TSKS: variants seen among roughly 807,000 people sequenced by gnomAD.
The protein encoded by TSKS is testis-specific serine kinase substrate.
A neutral mutation model predicts 68.0 loss-of-function variants in TSKS; 27 were observed. That is an observed-to-expected ratio of 0.40 (90% CI 0.29 to 0.55). The LOEUF (loss-of-function observed/expected upper bound fraction) is 0.55, where lower values mean the gene tolerates loss of function less well. Among genes scored for constraint, TSKS ranks in the 20% least tolerant of loss-of-function variants. The pLI, the probability that TSKS is intolerant of heterozygous loss-of-function variation, is 0.53. For missense variants in TSKS, 806 were observed against 776.0 expected (o/e 1.04, Z -0.46); for synonymous variants, 331 against 340.4 (o/e 0.97, Z 0.30).
At chr19:49,756,565 A>T (rs76976765) in intron 2 of TSKS, among the ~76,000 whole-genome samples, 3 of 138,524 alleles carry the variant, frequency 2.2e-5, no homozygotes, top group Admixed American at 7.1e-5. Context: ...ACTCATGATT[A>T]AAAAAAAAAA....
Position 49,746,672 on chromosome 19 carries a change from G to T in TSKS, c.790C>A (p.Pro264Thr). 2 of 1,603,060 alleles carry T rather than the reference G, an allele frequency of 1.2e-6. No individual in the cohort carries two copies. Among genetic ancestry groups the T allele is most frequent in the Non-Finnish European group, 8.5e-7 (1 of 1,178,840 alleles). ...CTGTTCCAGGAGAGGCCAGCCTCCGGCTTCTGCTTCTCCTCCGGCTCCTGC... is the reference window on the plus strand; with the variant it reads ...CTGTTCCAGGAGAGGCCAGCCTCCGTCTTCTGCTTCTCCTCCGGCTCCTGC... ...EKQEPEEKQK[P>T]EAGLSWNSLG... Residue 264 changes from proline (P) to threonine (T), a missense_variant, in exon 6 of 11, where the codon CCG becomes ACG. Transcript: ENST00000246801.
intron 6 of TSKS, among the ~76,000 whole-genome samples, chr19:49,746,148 A>C (rs1377730367): frequency 6.6e-6 from 1 of 151,916 alleles, no homozygotes; most frequent in African/African-American, 2.4e-5. Flanking sequence ...GCGCCACTGC[A>C]CTCCAGCCTG....
At chr19:49,761,387 C>G (rs1346688239) in intron 2 of TSKS, among the ~76,000 whole-genome samples, 2 of 152,142 alleles carry the variant, frequency 1.3e-5, no homozygotes, top group Admixed American at 6.6e-5. Context: ...CTAAATCTTG[C>G]TCATCTCTCA....
chr19:49,748,465 C>T lies in TSKS; in HGVS notation c.404G>A (p.Gly135Glu). ...GGCGCGGACCAATCCACTGTTGACC[C>T]CACTCTGGGGAAGAATGGGAGACAG... is the stretch of plus-strand genomic sequence containing the variant. Reference protein sequence around the residue: ...DDADITEILSGVNSGLVRAKD... With the variant: ...DDADITEILSEVNSGLVRAKD... The change falls in exon 3 of 11, where the codon GGG becomes GAG. Residue 135 changes from glycine (G) to glutamate (E), a missense_variant. Transcript: ENST00000246801. The T allele has an allele frequency of 6.2e-7, 1 of 1,613,906 alleles. No individual in the cohort carries two copies. Among genetic ancestry groups the T allele is most frequent in the Non-Finnish European group, 8.5e-7 (1 of 1,179,898 alleles).
At chr19:49,760,691 G>C (rs552616919) in intron 2 of TSKS, among the ~76,000 whole-genome samples, 2 of 152,194 alleles carry the variant, frequency 1.3e-5, no homozygotes, top group South Asian at 4.2e-4. Flanking sequence ...TCAGAAGGCT[G>C]AGATGGGAGG....
At position 49,746,790 on chromosome 19, in the gene TSKS, C is replaced by T. The variant is rs1568562370; in HGVS notation, c.672G>A (p.Leu224=). 6.3e-7 allele frequency: 1 copy of T among 1,599,312 alleles called. No individual in the cohort carries two copies. The highest frequency in any genetic ancestry group is 2.2e-5 in the East Asian group (1 of 44,874). Residue 224 remains leucine (L), a synonymous_variant, in exon 6 of 11, where the codon CTG becomes CTA. Coordinates refer to ENST00000246801, the MANE Select transcript of TSKS (RefSeq NM_021733.2). ...CCTGCAGCTGCTGCTGGAGGTAGCG[C>T]AGCTTCTCCTGGGTGGTAAGGGAGG... is the stretch of plus-strand genomic sequence containing the variant. ...KQNSALLEEK[L]RYLQQQLQDE...
intron 2 of TSKS, among the ~76,000 whole-genome samples, chr19:49,750,956 G>A (rs1301546908): frequency 6.6e-6 from 1 of 152,066 alleles, no homozygotes; most frequent in African/African-American, 2.4e-5. Context: ...ATTGCTCTGG[G>A]GAAGAAGTGG....
At chr19:49,748,242 G>T (rs2084319370) in intron 3 of TSKS, 74 bp from the exon 4 acceptor site, 49 of 1,581,768 alleles carry the variant, frequency 3.1e-5, no homozygotes, top group Non-Finnish European at 4.3e-5. Context: ...TCTGGGCCTG[G>T]GAAGGTTCCT....
chr19:49,761,473 C>G (rs947006742), intron 2 of TSKS, among the ~76,000 whole-genome samples: 34 of 152,188 alleles, frequency 2.2e-4, no homozygotes, highest in African/African-American at 8.0e-4. Context: ...GCAAGACATC[C>G]TCCTCCAGGA....
chr19:49,762,955 T>C, intron 1 of TSKS, 123 bp downstream of exon 1: 1 of 1,305,298 alleles, frequency 7.7e-7, no homozygotes, highest in South Asian at 1.5e-5. Flanking sequence ...CTGCCCTCTT[T>C]CCTGCCCCCG....
rs775796223 is a variant in TSKS, at chr19:49,746,749, C to G, written c.713G>C (p.Arg238Pro). The G allele has an allele frequency of 3.7e-6, 6 of 1,601,136 alleles. No homozygotes were observed. In the African/African-American group the frequency reaches 8.0e-5, roughly 21 times the overall value. ...QQQLQDETPR[R>P]QEAELQEPEE... ...CGGCTCCTGCAGCTCGGCCTCCTGC[C>G]GTCGCGGCGTCTCATCCTGCAGCTG... Residue 238 changes from arginine to proline, a missense_variant, in exon 6 of 11, where the codon CGG (arginine) becomes CCG (proline). Coordinates refer to ENST00000246801, the MANE Select transcript of TSKS (RefSeq NM_021733.2).
Position 49,753,435 on chromosome 19 carries a change from G to A in TSKS, c.400-4966C>T, listed in dbSNP as rs1310599013. ...AAATTAGCTGGACGTGGTGGCGGGC[G>A]CCTGTAGTCCCAGCTACTCGGGAAG... On this transcript the variant is annotated intron_variant, in intron 2 of 10. Coordinates refer to ENST00000246801, the MANE Select transcript of TSKS (RefSeq NM_021733.2). Among the ~76,000 whole-genome samples, 12 of 151,862 alleles carry A rather than the reference G, an allele frequency of 7.9e-5. No homozygotes were observed. The South Asian group carries it at 1.9e-3, about 24-fold the overall frequency.
chr19:49,747,256 A>T, intron 5 of TSKS, 133 bp downstream of exon 5: 2 of 1,570,356 alleles, frequency 1.3e-6, no homozygotes, highest in Non-Finnish European at 1.7e-6. Flanking sequence ...GCGAGTTCTA[A>T]GGATGACTAT....
intron 2 of TSKS, among the ~76,000 whole-genome samples, chr19:49,757,778 C>A (rs2084404203): frequency 6.6e-6 from 1 of 150,682 alleles, no homozygotes. Context: ...TATCCCCCTC[C>A]TCTATTTCTG....
At chr19:49,760,702 A>G (rs186949083) in intron 2 of TSKS, among the ~76,000 whole-genome samples, 49 of 151,932 alleles carry the variant, frequency 3.2e-4, no homozygotes, top group African/African-American at 9.9e-4. Flanking sequence ...AGATGGGAGG[A>G]TCCTTTGAAC....
intron 4 of TSKS, 23 bp from the exon 5 acceptor site, chr19:49,747,495 G>A (rs1467609562): frequency 3.1e-6 from 5 of 1,611,848 alleles, no homozygotes; most frequent in Non-Finnish European, 4.2e-6. Context: ...CCAGGGCGAG[G>A]GCCCTGCCTT....
Position 49,758,869 on chromosome 19 carries a change from T to G in TSKS, c.399+3135A>C, listed in dbSNP as rs933252475. Among the ~76,000 whole-genome samples, 10 of 152,210 alleles carry G rather than the reference T, an allele frequency of 6.6e-5. No individual in the cohort carries two copies. In the East Asian group the frequency reaches 1.9e-3, roughly 29 times the overall value. ...TGTCTACCTTAGTTGTTTCTTTTTT[T>G]TTTTTGAGACGGAGTTTTGCTCTTG... On this transcript the variant is annotated intron_variant, in intron 2 of 10. Coordinates refer to ENST00000246801, the MANE Select transcript of TSKS (RefSeq NM_021733.2).
intron 2 of TSKS, among the ~76,000 whole-genome samples, chr19:49,751,217 T>G (rs1359183377): frequency 7.0e-6 from 1 of 143,274 alleles, no homozygotes; most frequent in East Asian, 2.0e-4. Flanking sequence ...CACAGGAGAA[T>G]CGCTTGAATC....
chr19:49,748,753 C>G (rs1348582579), intron 2 of TSKS, among the ~76,000 whole-genome samples: 1 of 152,070 alleles, frequency 6.6e-6, no homozygotes, highest in East Asian at 1.9e-4. Flanking sequence ...GAAGGATGGA[C>G]TCAACCAAAC....
Sources: gnomAD v4.1 joint callset for allele counts (sites outside exome capture counted in the v4.1 genomes callset) on GRCh38, gnomAD v4.1.1 for gene constraint, MANE v1.5 for transcripts, NCBI Gene and HGNC (gene_info 2026-07-23, HGNC 2026-07-21) for gene names.